The following SLC25A13 variants were observed in gnomAD, a reference collection of about 807,000 sequenced individuals.
SLC25A13 encodes solute carrier family 25 member 13, also known as electrogenic aspartate/glutamate antiporter SLC25A13, mitochondrial.
A neutral mutation model predicts 85.5 loss-of-function variants in SLC25A13; 70 were observed. The ratio of observed to expected loss-of-function variants is 0.82; its 90% CI spans 0.68 to 1.00. The LOEUF (loss-of-function observed/expected upper bound fraction) is 1.00. SLC25A13 is among the 50% of genes least tolerant of loss of function. SLC25A13 has a pLI of 0.00. For missense variants in SLC25A13, 765 were observed against 819.8 expected (o/e 0.93, Z 0.82); for synonymous variants, 259 against 288.7 (o/e 0.90, Z 1.04).
At chr7:96,260,358 T>C (rs1797806949) in intron 3 of SLC25A13, among the ~76,000 whole-genome samples, 2 of 151,804 alleles carry the variant, frequency 1.3e-5, no homozygotes, top group Non-Finnish European at 2.9e-5. Context: ...TATAAAAGGG[T>C]TCCTACTGGC....
chr7:96,208,561 A>G (rs560408719), intron 5 of SLC25A13, among the ~76,000 whole-genome samples: 4 of 146,886 alleles, frequency 2.7e-5, no homozygotes, highest in African/African-American at 7.6e-5. Context: ...GCCGGACTGC[A>G]GTGGTGCGAT....
chr7:96,245,881 T>C (rs554930113), intron 3 of SLC25A13, among the ~76,000 whole-genome samples: 1 of 152,332 alleles, frequency 6.6e-6, no homozygotes, highest in South Asian at 2.1e-4. Flanking sequence ...AAAACCTAGG[T>C]TTCCTAAATC....
intron 4 of SLC25A13, among the ~76,000 whole-genome samples, chr7:96,223,554 G>A (rs913634764): frequency 3.9e-5 from 6 of 152,134 alleles, no homozygotes; most frequent in East Asian, 1.9e-4. Flanking sequence ...TTGGGAGGCC[G>A]AGGCGGGTGG....
intron 1 of SLC25A13, among the ~76,000 whole-genome samples, chr7:96,299,966 T>A (rs1460371180): frequency 1.3e-5 from 2 of 152,238 alleles, no homozygotes; most frequent in African/African-American, 4.8e-5. Flanking sequence ...GCAGCTCCAC[T>A]ATAATTTATG....
chr7:96,281,962 A>G (rs1307589156), intron 2 of SLC25A13, among the ~76,000 whole-genome samples: 2 of 152,162 alleles, frequency 1.3e-5, no homozygotes, highest in African/African-American at 4.8e-5. Flanking sequence ...TGATAAATGC[A>G]GCTCTGCTCT....
chr7:96,266,100 T>C (rs1403210919), intron 3 of SLC25A13, among the ~76,000 whole-genome samples: 1 of 152,210 alleles, frequency 6.6e-6, no homozygotes, highest in Non-Finnish European at 1.5e-5. Context: ...TATTTGCTGT[T>C]AAGACACCAG....
intron 9 of SLC25A13, among the ~76,000 whole-genome samples, chr7:96,187,293 T>TATC (rs1341016097): frequency 1.3e-5 from 2 of 152,244 alleles, no homozygotes; most frequent in African/African-American, 4.8e-5. Context: ...CAACCCCAGC[T>TATC]ATCAACCCAC....
chr7:96,321,858 C>G, intron 1 of SLC25A13, 84 bp downstream of exon 1: 1 of 1,455,228 alleles, frequency 6.9e-7, no homozygotes. Context: ...GTGGCACCAA[C>G]CCAGACACGT....
intron 3 of SLC25A13, among the ~76,000 whole-genome samples, chr7:96,259,167 T>C (rs1027213213): frequency 6.6e-6 from 1 of 152,026 alleles, no homozygotes; most frequent in Non-Finnish European, 1.5e-5. Flanking sequence ...GACTTCATGA[T>C]TAAAATACCA....
At chr7:96,302,187 C>T (rs751519181) in intron 1 of SLC25A13, among the ~76,000 whole-genome samples, 30 of 152,060 alleles carry the variant, frequency 2.0e-4, no homozygotes, top group Non-Finnish European at 2.9e-4. Context: ...AAAAGAAAAA[C>T]AATAACACAA....
chr7:96,321,876 C>T (rs1800360612), intron 1 of SLC25A13, 66 bp downstream of exon 1: 4 of 1,482,480 alleles, frequency 2.7e-6, no homozygotes, highest in Non-Finnish European at 2.7e-6. Flanking sequence ...CGTGAGCGCC[C>T]GAGCCTCTCG....
chr7:96,248,362 A>G (rs1051057159), intron 3 of SLC25A13, among the ~76,000 whole-genome samples: 2 of 152,216 alleles, frequency 1.3e-5, no homozygotes, highest in Non-Finnish European at 2.9e-5. Context: ...GACTCATAGA[A>G]GTTCAGGGGC....
At chr7:96,307,368 T>G (rs1467782856) in intron 1 of SLC25A13, among the ~76,000 whole-genome samples, 1 of 152,122 alleles carries the variant, frequency 6.6e-6, no homozygotes, top group Non-Finnish European at 1.5e-5. Flanking sequence ...ACATAAAATA[T>G]TTACAGATAG....
At chr7:96,281,123 T>C (rs1798660480) in intron 2 of SLC25A13, among the ~76,000 whole-genome samples, 1 of 151,986 alleles carries the variant, frequency 6.6e-6, no homozygotes, top group South Asian at 2.1e-4. Context: ...GGGCACGGCA[T>C]CTCACATCTG....
At chr7:96,125,539 T>G (rs1486911638) in intron 15 of SLC25A13, among the ~76,000 whole-genome samples, 1 of 152,202 alleles carries the variant, frequency 6.6e-6, no homozygotes, top group Non-Finnish European at 1.5e-5. Flanking sequence ...AGACATCCTT[T>G]CCTTGGGATT....
At chr7:96,231,465 C>G (rs934454091) in intron 4 of SLC25A13, among the ~76,000 whole-genome samples, 4 of 152,108 alleles carry the variant, frequency 2.6e-5, no homozygotes, top group African/African-American at 7.2e-5. Flanking sequence ...TGTCTCATGC[C>G]TGTAATCCCA....
chr7:96,159,709 T>C (rs191318692), intron 13 of SLC25A13, among the ~76,000 whole-genome samples: 32 of 152,314 alleles, frequency 2.1e-4, no homozygotes, highest in Admixed American at 5.2e-4. Flanking sequence ...TCTTTTGATT[T>C]GGTATGAAAA....
chr7:96,260,130 C>T (rs369760325), intron 3 of SLC25A13, among the ~76,000 whole-genome samples: 11 of 151,956 alleles, frequency 7.2e-5, no homozygotes, highest in African/African-American at 2.7e-4. Context: ...GTGCAGCAAA[C>T]CACCATGGCA....
intron 4 of SLC25A13, among the ~76,000 whole-genome samples, chr7:96,213,432 GA>G (rs1795776298): frequency 6.6e-6 from 1 of 152,164 alleles, no homozygotes; most frequent in South Asian, 2.1e-4. Context: ...AATCAGAAAT[GA>G]AAATCCAAAG....
Sources: allele counts gnomAD v4.1 joint callset (sites outside exome capture counted in the v4.1 genomes callset), GRCh38; gene constraint gnomAD v4.1.1; transcripts MANE v1.5; gene names NCBI Gene and HGNC (gene_info 2026-07-23, HGNC 2026-07-21).